DENR: variants seen among roughly 807,000 people sequenced by gnomAD.
DENR encodes density-regulated protein.
In DENR, 6 loss-of-function variants were observed where a neutral mutation model predicts 30.6. That is an observed-to-expected ratio of 0.20 (90% CI 0.11 to 0.39). The LOEUF is 0.39. DENR is among the 10% of genes least tolerant of loss of function. DENR has a pLI of 1.00. For missense variants in DENR, 141 were observed against 230.9 expected (o/e 0.61, Z 2.52); for synonymous variants, 78 against 72.1 (o/e 1.08, Z -0.41).
At chr12:122,767,406 C>A in intron 5 of DENR, 82 bp from the exon 6 acceptor site, 1 of 893,404 alleles carries the variant, frequency 1.1e-6, no homozygotes, top group Non-Finnish European at 1.6e-6. Context: ...AAACTTAAAC[C>A]TTTTGAGAAT....
In DENR at chr12:122,770,647, G is replaced by A. The variant is rs1157845241; in HGVS notation, c.*1569G>A. On this transcript the variant is annotated 3_prime_UTR_variant, in exon 8 of 8. Transcript: ENST00000280557. ...AACTTTAAGTCAGGTGCTGCAAATT[G>A]GAAAGAAGACTTGTGGTGTTTTAAG... 5.0e-6 allele frequency: 2 copies of A among 398,358 alleles called. No homozygotes were observed. The highest frequency in any genetic ancestry group is 8.8e-5 in the Admixed American group (2 of 22,692). 24.7% of individuals were successfully genotyped at this position (398,358 alleles called of 1,614,324 possible). A position where few individuals can be genotyped will look rare whatever the true frequency, so the allele number is the denominator to read the frequency against.
intron 1 of DENR, 85 bp from the exon 2 acceptor site, chr12:122,753,608 G>A: frequency 1.0e-6 from 1 of 979,830 alleles, no homozygotes; most frequent in Non-Finnish European, 1.6e-6. Context: ...GCTTTGGGGT[G>A]GGGAGGTTTC....
In DENR at chr12:122,767,585, A is replaced by T. The variant is rs758451533; in HGVS notation, c.393A>T (p.Val131=). The T allele has an allele frequency of 1.3e-6, 2 of 1,598,134 alleles. No individual in the cohort carries two copies. The highest frequency in any genetic ancestry group is 1.7e-6 in the Non-Finnish European group (2 of 1,173,204). ...PRAKKKYVTR[V]CGLATFEIDL... ...CAAAGAAGAAATATGTGACAAGAGT[A>T]TGTGGCCTTGCAACTTTTGGTGAGT... Residue 131 remains valine, a synonymous_variant, in exon 6 of 8, where the codon GTA becomes GTT. Coordinates refer to ENST00000280557, the MANE Select transcript of DENR (RefSeq NM_003677.5).
rs184495412 is a variant in DENR at position 122,766,339 on chromosome 12, C to G, written c.295+952C>G. The stretch of plus-strand genomic sequence containing the variant: ...GTTCCTTCCTAGGTCTCCTATCACT[C>G]CTCCTTAGTCTTCTGTGCGGACTTC... On this transcript the variant is annotated intron_variant, in intron 5 of 7. Coordinates refer to ENST00000280557, the MANE Select transcript of DENR (RefSeq NM_003677.5). Among the ~76,000 whole-genome samples, 345 of 152,316 alleles carry G rather than the reference C, an allele frequency of 2.3e-3. 6 individuals are homozygous for G. The highest frequency in any genetic ancestry group is 0.02 in the Admixed American group (303 of 15,292).
intron 4 of DENR, among the ~76,000 whole-genome samples, chr12:122,763,723 G>A (rs781369859): frequency 2.0e-5 from 3 of 152,112 alleles, no homozygotes; most frequent in Non-Finnish European, 4.4e-5. Flanking sequence ...ATTAAAAAAA[G>A]TAAATGATTT....
Position 122,770,349 on chromosome 12 carries a change from T to C in DENR, c.*1271T>C. On this transcript the variant is annotated 3_prime_UTR_variant, in exon 8 of 8. Coordinates refer to ENST00000280557, the MANE Select transcript of DENR (RefSeq NM_003677.5). ...TTATGCATATGTTTAAAGAATCATA[T>C]TTTCTAAGATTATTTGGAAGCATGT... 3.0e-6 allele frequency: 1 copy of C among 331,100 alleles called. No homozygotes were observed. Among genetic ancestry groups the C allele is most frequent in the Non-Finnish European group, 5.4e-6 (1 of 185,040 alleles). 20.5% of individuals were successfully genotyped at this position (331,100 alleles called of 1,614,324 possible).
chr12:122,756,177 G>C (rs948719601), intron 2 of DENR, among the ~76,000 whole-genome samples: 1 of 152,124 alleles, frequency 6.6e-6, no homozygotes. Flanking sequence ...GGCCAGGCGC[G>C]GTGGCTCACA....
At chr12:122,764,472 G>A (rs1355249089) in intron 4 of DENR, among the ~76,000 whole-genome samples, 1 of 152,076 alleles carries the variant, frequency 6.6e-6, no homozygotes, top group Non-Finnish European at 1.5e-5. Context: ...GGTGGCGGGC[G>A]CCTGTAGTCC....
Position 122,768,807 on chromosome 12 carries a change from A to G in DENR, c.438A>G (p.Arg146=), listed in dbSNP as rs746536096. 1.3e-6 allele frequency: 2 copies of G among 1,587,566 alleles called. No homozygotes were observed. The highest frequency in any genetic ancestry group is 2.3e-5 in the East Asian group (1 of 44,298). Residue 146 remains arginine (R), a synonymous_variant, in exon 7 of 8, where the codon AGA becomes AGG. Transcript: ENST00000280557. The part of the protein sequence containing the change: ...TFEIDLKEAQ[R]FFAQKFSCGA... ...AAATTGATCTTAAAGAAGCACAAAG[A>G]TTTTTTGCTCAAAAATTCTCCTGTG... is the stretch of plus-strand genomic sequence containing the variant.
intron 5 of DENR, 108 bp from the exon 6 acceptor site, chr12:122,767,380 T>G (rs1004901894): frequency 5.7e-6 from 4 of 696,508 alleles, no homozygotes; most frequent in Non-Finnish European, 9.2e-6. Flanking sequence ...TAGTAATTTT[T>G]GTATTAGAGA....
At chr12:122,755,828 C>T (rs1284623310) in intron 2 of DENR, among the ~76,000 whole-genome samples, 1 of 152,176 alleles carries the variant, frequency 6.6e-6, no homozygotes, top group Non-Finnish European at 1.5e-5. Context: ...CAGAACAGTA[C>T]AGGCTTCCAC....
chr12:122,753,970 T>G, intron 2 of DENR, 163 bp downstream of exon 2: 1 of 649,776 alleles, frequency 1.5e-6, no homozygotes, highest in Non-Finnish European at 2.8e-6. Context: ...TAACAGAGTT[T>G]CCCCACCTGG....
In DENR at chr12:122,770,933, G is replaced by T; in HGVS notation, c.*1855G>T. 2.6e-6 allele frequency: 1 copy of T among 390,546 alleles called. No individual in the cohort carries two copies. Among genetic ancestry groups the T allele is most frequent in the Admixed American group, 4.5e-5 (1 of 22,470 alleles). 24.2% of individuals were successfully genotyped at this position (390,546 alleles called of 1,614,324 possible). On this transcript the variant is annotated 3_prime_UTR_variant, in exon 8 of 8. Transcript: ENST00000280557. ...GCTGCTGAAAGATGTCTGTGTGCCT[G>T]TATCAACATGTGACTTCATGTAAAG...
At position 122,767,594 on chromosome 12, in the gene DENR, T is replaced by C. The variant is rs764224888; in HGVS notation, c.402T>C (p.Leu134=). Residue 134 remains leucine (L), a synonymous_variant, in exon 6 of 8, where the codon CTT becomes CTC. Transcript: ENST00000280557. ...AATATGTGACAAGAGTATGTGGCCTTGCAACTTTTGGTGAGTTCAGGCTTA... is the reference window on the plus strand; with the variant it reads ...AATATGTGACAAGAGTATGTGGCCTCGCAACTTTTGGTGAGTTCAGGCTTA... ...KKKYVTRVCG[L]ATFEIDLKEA... The C allele has an allele frequency of 1.9e-6, 3 of 1,588,946 alleles. No homozygotes were observed. The highest frequency in any genetic ancestry group is 2.6e-6 in the Non-Finnish European group (3 of 1,168,576).
Position 122,762,938 on chromosome 12 carries a change from A to T in DENR, c.211+9A>T, listed in dbSNP as rs1430431976. The T allele has an allele frequency of 1.3e-6, 2 of 1,497,434 alleles. No individual in the cohort carries two copies. The highest frequency in any genetic ancestry group is 4.3e-5 in the Admixed American group (2 of 46,534). The allele number at this position is 1,497,434 out of a possible 1,614,324, so 92.8% of individuals were successfully genotyped here. A position where few individuals can be genotyped will look rare whatever the true frequency, so the allele number is the denominator to read the frequency against. On this transcript the variant is annotated intron_variant, in intron 4 of 7. Transcript: ENST00000280557. ...TGCAAAACTTACTGTAGGTATGAAC[A>T]TTTTTTTTCTTGCATTAAACTTCTG...
At position 122,768,751 on chromosome 12, in the gene DENR, G is replaced by T. The variant is rs370390730; in HGVS notation, c.413-31G>T. The T allele has an allele frequency of 7.9e-5, 119 of 1,514,200 alleles. 1 individual carries two copies. The South Asian group carries it at 1.2e-3, about 15-fold the overall frequency. 93.8% of individuals were successfully genotyped at this position (1,514,200 alleles called of 1,614,324 possible). On this transcript the variant is annotated intron_variant, in intron 6 of 7. Transcript: ENST00000280557. The stretch of plus-strand genomic sequence containing the variant: ...ACATCTTTGCACAATTCCAATTACA[G>T]TTCTTGCTCTTTCTTTTTTTAAAAA...
rs576260110 is a variant in DENR at position 122,765,133 on chromosome 12, T to C, written c.212-171T>C. Among the ~76,000 whole-genome samples, 12 of 152,326 alleles carry C rather than the reference T, an allele frequency of 7.9e-5. No individual in the cohort carries two copies. In the East Asian group the frequency reaches 1.9e-3, roughly 24 times the overall value. ...TACCATACACTTACTATAATGACTT[T>C]AGAACTAGACTTGAATAGAAATCTA... On this transcript the variant is annotated intron_variant, in intron 4 of 7. Coordinates refer to ENST00000280557, the MANE Select transcript of DENR (RefSeq NM_003677.5).
chr12:122,762,821 C>T, intron 3 of DENR, 24 bp from the exon 4 acceptor site: 3 of 1,439,284 alleles, frequency 2.1e-6, no homozygotes, highest in South Asian at 1.3e-5. Context: ...TTTGTTGTGA[C>T]TCAGTTCTTT....
At chr12:122,755,616 G>C (rs1878530584) in intron 2 of DENR, among the ~76,000 whole-genome samples, 1 of 152,102 alleles carries the variant, frequency 6.6e-6, no homozygotes, top group Non-Finnish European at 1.5e-5. Flanking sequence ...GAGAAAAACT[G>C]ATACATTTAT....
Sources: gnomAD v4.1 joint callset for allele counts (sites outside exome capture counted in the v4.1 genomes callset) on GRCh38, gnomAD v4.1.1 for gene constraint, MANE v1.5 for transcripts, NCBI Gene and HGNC (gene_info 2026-07-23, HGNC 2026-07-21) for gene names.